The following N4BP1 variants were observed in gnomAD, a reference collection of about 807,000 sequenced individuals.
The protein encoded by N4BP1 is NEDD4 binding protein 1, also known as NEDD4-binding protein 1.
N4BP1 carries 21 observed loss-of-function variants against 70.9 expected under a neutral mutation model. The observed-to-expected ratio is 0.30, with a 90% CI of 0.21 to 0.43. N4BP1 has a LOEUF of 0.43. N4BP1 is among the 20% of genes least tolerant of loss of function. The pLI, the probability that N4BP1 is intolerant of heterozygous loss-of-function variation, is 1.00. For synonymous variants in N4BP1, 387 were observed against 394.6 expected (o/e 0.98, Z 0.23); for missense variants, 936 against 1,069.4 (o/e 0.88, Z 1.74).
intron 1 of N4BP1, among the ~76,000 whole-genome samples, chr16:48,593,150 T>C (rs1597110738): frequency 2.0e-5 from 3 of 152,360 alleles, no homozygotes; most frequent in East Asian, 3.9e-4. Flanking sequence ...TGGGGACATG[T>C]GGAGTCAGCC....
chr16:48,550,549 A>G (rs1213307365), intron 4 of N4BP1, among the ~76,000 whole-genome samples: 1 of 152,150 alleles, frequency 6.6e-6, no homozygotes, highest in African/African-American at 2.4e-5. Flanking sequence ...GGTACAGACT[A>G]AATCTTGGTG....
chr16:48,573,954 A>G (rs2151093308), intron 1 of N4BP1, among the ~76,000 whole-genome samples: 1 of 152,286 alleles, frequency 6.6e-6, no homozygotes, highest in South Asian at 2.1e-4. Context: ...GAATAAGCTG[A>G]GGAGGAGGGG....
chr16:48,592,348 T>G (rs762056470), intron 1 of N4BP1, among the ~76,000 whole-genome samples: 1 of 152,188 alleles, frequency 6.6e-6, no homozygotes, highest in Non-Finnish European at 1.5e-5. Context: ...AAATCCAGGA[T>G]GCAATATAAA....
rs544157386 is a variant in N4BP1 at position 48,609,619 on chromosome 16, A to G, written c.198+156T>C. Among the ~76,000 whole-genome samples the G allele has an allele frequency of 1.6e-4, 24 of 152,250 alleles. No individual in the cohort carries two copies. In the East Asian group the frequency reaches 4.1e-3, roughly 26 times the overall value. On this transcript the variant is annotated intron_variant, in intron 1 of 6. Coordinates refer to ENST00000262384, the MANE Select transcript of N4BP1 (RefSeq NM_153029.4). ...GGATCAAGCCGCTATCCAAGGTCAC[A>G]TGGCTCGCGAGCCGAAAAGGCACGT...
chr16:48,565,794 C>T (rs933788107), intron 1 of N4BP1, among the ~76,000 whole-genome samples: 4 of 152,156 alleles, frequency 2.6e-5, no homozygotes, highest in Admixed American at 6.5e-5. Flanking sequence ...ATTATCAATT[C>T]GATTTCCTTA....
At chr16:48,557,630 T>C (rs1283968460) in intron 2 of N4BP1, among the ~76,000 whole-genome samples, 1 of 152,020 alleles carries the variant, frequency 6.6e-6, no homozygotes, top group Non-Finnish European at 1.5e-5. Context: ...AAGTTACAAA[T>C]AGGTAGTAAA....
intron 1 of N4BP1, among the ~76,000 whole-genome samples, chr16:48,571,053 A>T (rs897083180): frequency 6.6e-6 from 1 of 152,174 alleles, no homozygotes; most frequent in Admixed American, 6.5e-5. Flanking sequence ...CGGCCTCCCA[A>T]AGTGCCGGTA....
chr16:48,585,888 G>C (rs988369176), intron 1 of N4BP1, among the ~76,000 whole-genome samples: 2 of 151,908 alleles, frequency 1.3e-5, no homozygotes, highest in Non-Finnish European at 2.9e-5. Flanking sequence ...TAGAGATGAG[G>C]TTTCATCACG....
intron 1 of N4BP1, among the ~76,000 whole-genome samples, chr16:48,573,881 G>T (rs1964056831): frequency 6.6e-6 from 1 of 152,144 alleles, no homozygotes; most frequent in Non-Finnish European, 1.5e-5. Context: ...AAGAGAAAAT[G>T]TGTTTACTAT....
intron 1 of N4BP1, among the ~76,000 whole-genome samples, chr16:48,596,456 T>C (rs980038617): frequency 5.9e-5 from 9 of 152,214 alleles, no homozygotes; most frequent in Admixed American, 3.9e-4. Context: ...CTTCCCCCAC[T>C]ACGCCCAGTT....
chr16:48,601,822 T>C (rs1390765351), intron 1 of N4BP1, among the ~76,000 whole-genome samples: 2 of 152,230 alleles, frequency 1.3e-5, no homozygotes, highest in African/African-American at 4.8e-5. Context: ...GCAATCTTAA[T>C]GCCTCAGCCT....
At chr16:48,603,366 G>A (rs1964531685) in intron 1 of N4BP1, among the ~76,000 whole-genome samples, 1 of 151,928 alleles carries the variant, frequency 6.6e-6, no homozygotes, top group East Asian at 1.9e-4. Context: ...AGGCCTCTCG[G>A]TGGCTACTCA....
chr16:48,543,333 T>G, intron 6 of N4BP1, 72 bp from the exon 7 acceptor site: 5 of 1,254,764 alleles, frequency 4.0e-6, no homozygotes, highest in Non-Finnish European at 5.3e-6. Flanking sequence ...TTTTAGAAGG[T>G]ACCTGCGGCA....
chr16:48,550,025 T>G (rs907540707), intron 4 of N4BP1, among the ~76,000 whole-genome samples: 2 of 152,226 alleles, frequency 1.3e-5, no homozygotes, highest in African/African-American at 4.8e-5. Flanking sequence ...AGGAGGATTT[T>G]AAAAACTGGT....
intron 1 of N4BP1, among the ~76,000 whole-genome samples, chr16:48,607,670 A>AT (rs1212382259): frequency 1.3e-5 from 2 of 152,190 alleles, no homozygotes; most frequent in African/African-American, 4.8e-5. Context: ...CACGTAAGAG[A>AT]TTTTCAGAAG....
chr16:48,599,146 A>G (rs1233446161), intron 1 of N4BP1, among the ~76,000 whole-genome samples: 1 of 152,112 alleles, frequency 6.6e-6, no homozygotes, highest in East Asian at 1.9e-4. Context: ...TACTGGTATA[A>G]TAACTATAAT....
chr16:48,562,530 G>A lies in N4BP1; in HGVS notation c.199-86C>T, dbSNP rs1246008722. ...ATTACCATGTAACTACAAATGTCAG[G>A]CCGATTTTATAAAAATCACAAGCAT... On this transcript the variant is annotated intron_variant, in intron 1 of 6. Transcript: ENST00000262384. 3.8e-6 allele frequency: 4 copies of A among 1,066,620 alleles called. No homozygotes were observed. In the African/African-American group the frequency reaches 6.5e-5, roughly 17 times the overall value. The allele number at this position is 1,066,620 out of a possible 1,614,324, so 66.1% of individuals were successfully genotyped here.
At chr16:48,605,414 G>A (rs1964564631) in intron 1 of N4BP1, among the ~76,000 whole-genome samples, 1 of 152,180 alleles carries the variant, frequency 6.6e-6, no homozygotes, top group Non-Finnish European at 1.5e-5. Context: ...TTCACAGGGA[G>A]GGTCCCACCT....
chr16:48,600,453 G>A (rs557171771), intron 1 of N4BP1: 2 of 632,512 alleles, frequency 3.2e-6, no homozygotes, highest in South Asian at 1.4e-5. Flanking sequence ...GACAGTTGAA[G>A]AGATCAAACA....
Sources: allele counts gnomAD v4.1 joint callset (sites outside exome capture counted in the v4.1 genomes callset), GRCh38; gene constraint gnomAD v4.1.1; transcripts MANE v1.5; gene names NCBI Gene and HGNC (gene_info 2026-07-23, HGNC 2026-07-21).